PWWP2A: variants seen among roughly 807,000 people sequenced by gnomAD.
The protein encoded by PWWP2A is PWWP domain containing 2A, also known as PWWP domain-containing protein 2A.
PWWP2A carries 18 observed loss-of-function variants against 48.5 expected under a neutral mutation model. The ratio of observed to expected loss-of-function variants is 0.37; its 90% CI spans 0.26 to 0.55. PWWP2A has a LOEUF of 0.55. PWWP2A is among the 20% of genes least tolerant of loss of function. The pLI, the probability that PWWP2A is intolerant of heterozygous loss-of-function variation, is 0.81. For missense variants in PWWP2A, 867 were observed against 976.4 expected, an observed-to-expected ratio of 0.89 and a Z score of 1.49; for synonymous variants, 396 against 387.7, an observed-to-expected ratio of 1.02 and a Z score of -0.25.
Position 160,093,657 on chromosome 5 carries a change from A to G in PWWP2A, c.993T>C (p.Ala331=). ...LCDKCKNSVV[A]EKKEIRKGSS... ...TACCTTTTCTAATTTCCTTTTTTTCAGCAACAACACTGTTTTTACATTTAT... is the reference window on the plus strand; with the variant it reads ...TACCTTTTCTAATTTCCTTTTTTTCGGCAACAACACTGTTTTTACATTTAT... The change falls in exon 2 of 2, where the codon GCT becomes GCC. Residue 331 remains alanine, a synonymous_variant. Transcript: ENST00000307063. This position sits in a 1 kb window ranked among gnomAD's most constrained non-coding sequence, Gnocchi z 5.8. The G allele has an allele frequency of 6.2e-7, 1 of 1,613,844 alleles. No homozygotes were observed. Among genetic ancestry groups the G allele is most frequent in the East Asian group, 2.2e-5 (1 of 44,888 alleles).
chr5:160,071,635 A>C (rs1275200944), downstream of PWWP2A, among the ~76,000 whole-genome samples: 2 of 152,124 alleles, frequency 1.3e-5, no homozygotes, highest in Non-Finnish European at 2.9e-5. Flanking sequence ...AGGATGGGAA[A>C]TATCTTGACG....
Position 160,091,831 on chromosome 5 carries a change from T to A in PWWP2A, c.*551A>T, listed in dbSNP as rs548381877. The A allele has an allele frequency of 2.1e-6, 2 of 956,510 alleles. No individual in the cohort carries two copies. The highest frequency in any genetic ancestry group is 2.3e-4 in the East Asian group (2 of 8,612). 59.3% of individuals were successfully genotyped at this position (956,510 alleles called of 1,614,324 possible). On this transcript the variant is annotated 3_prime_UTR_variant, in exon 2 of 2. Transcript: ENST00000307063. ...TCTAACTTTTACACCATTATGCGCA[T>A]AGAAAGGCTAAGTGTTCATTATTTA...
downstream of PWWP2A, among the ~76,000 whole-genome samples, chr5:160,088,720 T>C (rs1754836065): frequency 6.6e-6 from 1 of 152,226 alleles, no homozygotes; most frequent in African/African-American, 2.4e-5. Flanking sequence ...TTAATTTTTC[T>C]AGACATTTGC....
At chr5:160,095,875 T>G (rs1355864131) in intron 1 of PWWP2A, among the ~76,000 whole-genome samples, 1 of 151,768 alleles carries the variant, frequency 6.6e-6, no homozygotes, top group African/African-American at 2.4e-5. Flanking sequence ...TAGTATTTTT[T>G]GTAGAGACAG....
chr5:160,059,268 T>G (rs1757632375), downstream of PWWP2A, among the ~76,000 whole-genome samples: 1 of 152,232 alleles, frequency 6.6e-6, no homozygotes, highest in East Asian at 1.9e-4. Context: ...CTGAATAACT[T>G]TTTGCAGCTT....
downstream of PWWP2A, among the ~76,000 whole-genome samples, chr5:160,058,462 G>C (rs1210690063): frequency 6.7e-6 from 1 of 148,780 alleles, no homozygotes; most frequent in African/African-American, 2.5e-5. Context: ...CCAGGCTGGA[G>C]TGCAGTGGTG....
intron 2 of PWWP2A, among the ~76,000 whole-genome samples, chr5:160,084,217 T>C (rs904865899): frequency 6.6e-6 from 1 of 152,204 alleles, no homozygotes; most frequent in Non-Finnish European, 1.5e-5. Flanking sequence ...AATTATCTTA[T>C]GAGGAGATAC....
In PWWP2A at chr5:160,092,444, C is replaced by A; in HGVS notation, c.2206G>T (p.Ala736Ser). 2 of 1,551,282 alleles carry A rather than the reference C, an allele frequency of 1.3e-6. No homozygotes were observed. The highest frequency in any genetic ancestry group is 1.2e-5 in the South Asian group (1 of 84,046). Residue 736 changes from alanine to serine, a missense_variant, in exon 2 of 2, where the codon GCT becomes TCT. This residue lies in a region of PWWP2A where 97 missense variants were observed against 151.7 expected (regional missense o/e 0.64). Coordinates refer to ENST00000307063, the MANE Select transcript of PWWP2A (RefSeq NM_001130864.2). Reference sequence around the variant, plus strand: ...GGGGTCAGCTGCTTGGCAGCCTTAGCTGCCTCTGTGATAGCCTTGCGATAC... The same window carrying A: ...GGGGTCAGCTGCTTGGCAGCCTTAGATGCCTCTGTGATAGCCTTGCGATAC... Reference protein sequence around the residue: ...GLYRKAITEAAKAAKQLTPEV... With the variant: ...GLYRKAITEASKAAKQLTPEV...
intron 4 of PWWP2A, among the ~76,000 whole-genome samples, chr5:160,065,778 T>C (rs930796268): frequency 6.6e-6 from 1 of 152,252 alleles, no homozygotes; most frequent in African/African-American, 2.4e-5. Context: ...TTTGTATAGA[T>C]AATTATAAAT....
At chr5:160,046,948 G>GT in the PWWP2A span, among the ~76,000 whole-genome samples, 1 of 152,252 alleles carries the variant, frequency 6.6e-6, no homozygotes, top group East Asian at 1.9e-4. Flanking sequence ...GGAGGTGGAG[G>GT]TTGCAGTGAG....
Position 160,092,497 on chromosome 5 carries a change from G to T in PWWP2A, c.2153C>A (p.Ser718Ter). 1 of 1,551,620 alleles carries T rather than the reference G, an allele frequency of 6.4e-7. No homozygotes were observed. Among genetic ancestry groups the T allele is most frequent in the South Asian group, 1.2e-5 (1 of 84,046 alleles). ...QLSPFLENFQ[S>*]RFNKKRKGLY... ...GCCCTTTCTCTTCTTATTAAAGCGT[G>T]ACTGGAAGTTTTCTAAAAAGGGGGA... The change falls in exon 2 of 2, where the codon TCA (serine) becomes TAA (stop). Residue 718 changes from serine (S) to a stop codon, truncating the protein, a stop_gained. Coordinates refer to ENST00000307063, the MANE Select transcript of PWWP2A (RefSeq NM_001130864.2). LOFTEE classifies it high-confidence loss of function.
exon 3 of PWWP2A, chr5:160,080,734 G>A (rs773499523): frequency 1.1e-5 from 18 of 1,570,352 alleles, no homozygotes; most frequent in South Asian, 2.3e-5. Flanking sequence ...AGCAGGACTC[G>A]TCACTGTCTG....
At chr5:160,082,915 G>A (rs747609209) in intron 2 of PWWP2A, among the ~76,000 whole-genome samples, 27 of 152,158 alleles carry the variant, frequency 1.8e-4, no homozygotes, top group Admixed American at 3.3e-4. Flanking sequence ...CAGCAGAACT[G>A]TAATGGGCAA....
intron 1 of PWWP2A, among the ~76,000 whole-genome samples, chr5:160,111,269 G>A (rs925806275): frequency 5.3e-5 from 8 of 152,270 alleles, no homozygotes; most frequent in African/African-American, 1.7e-4. Flanking sequence ...CCGGGTTCAA[G>A]CGATTCTCCT....
chr5:160,115,926 T>C (rs368537630), intron 1 of PWWP2A, among the ~76,000 whole-genome samples: 82 of 151,700 alleles, frequency 5.4e-4, no homozygotes, highest in Non-Finnish European at 1.0e-3. Context: ...TCAACATAAG[T>C]GCGAATTACA....
Position 160,118,976 on chromosome 5 carries a change from G to C in PWWP2A, c.413C>G (p.Pro138Arg). 1 of 1,597,854 alleles carries C rather than the reference G, an allele frequency of 6.3e-7. No individual in the cohort carries two copies. Among genetic ancestry groups the C allele is most frequent in the Non-Finnish European group, 8.5e-7 (1 of 1,174,106 alleles). The change falls in exon 1 of 2, where the codon CCC (proline) becomes CGC (arginine). Residue 138 changes from proline (P) to arginine (R), a missense_variant. Physicochemically the swap from Pro to Arg is moderately radical, Grantham distance 103. This residue lies in a region of PWWP2A where 385 missense variants were observed against 396.9 expected (regional missense o/e 0.97). Transcript: ENST00000307063. ...EEREEPPLPQ[P>R]VAPALVPPAG... Reference sequence around the variant, plus strand: ...CGGCGGCACGAGCGCCGGGGCTACGGGCTGAGGCAGCGGCGGCTCCTCGCG... The same window carrying C: ...CGGCGGCACGAGCGCCGGGGCTACGCGCTGAGGCAGCGGCGGCTCCTCGCG...
intron 1 of PWWP2A, among the ~76,000 whole-genome samples, chr5:160,104,804 C>CA (rs1255217672): frequency 3.3e-5 from 5 of 151,464 alleles, no homozygotes; most frequent in East Asian, 1.9e-4. Flanking sequence ...GACTCCCTCT[C>CA]AAAAAAAACA....
chr5:160,106,391 T>C (rs753930871), intron 1 of PWWP2A, among the ~76,000 whole-genome samples: 3 of 152,130 alleles, frequency 2.0e-5, no homozygotes, highest in Non-Finnish European at 4.4e-5. Flanking sequence ...AATGAAACAA[T>C]GTAAACAAAG....
At chr5:160,089,497 C>G, downstream of PWWP2A, 1 of 1,251,280 alleles carries the variant, frequency 8.0e-7, no homozygotes, top group Admixed American at 2.6e-5. Context: ...TGGGAATGAC[C>G]CACCGCACCT....
Sources: gnomAD v4.1 joint callset for allele counts (sites outside exome capture counted in the v4.1 genomes callset) on GRCh38, gnomAD v4.1.1 for gene constraint, gnomAD v4.1.1 regional missense constraint, Gnocchi (gnomAD v3.1) non-coding constraint, MANE v1.5 for transcripts, NCBI Gene and HGNC (gene_info 2026-07-23, HGNC 2026-07-21) for gene names.